ARHGAP24: variants seen among roughly 807,000 people sequenced by gnomAD.
The protein encoded by ARHGAP24 is rho GTPase-activating protein 24.
Under a neutral mutation model 76.4 loss-of-function variants are expected in ARHGAP24, and 50 were observed. The ratio of observed to expected loss-of-function variants is 0.65; its 90% confidence interval spans 0.52 to 0.83. The LOEUF (loss-of-function observed/expected upper bound fraction) is 0.83, where lower values mean the gene tolerates loss of function less well. ARHGAP24 is among the 40% of genes least tolerant of loss of function. The pLI is 0.00. For synonymous variants in ARHGAP24, 345 were observed against 323.3 expected, an observed-to-expected ratio of 1.07 and a Z score of -0.72; for missense variants, 930 against 914.2, an observed-to-expected ratio of 1.02 and a Z score of -0.22.
At chr4:85,862,719 T>C (rs1731972214) in intron 3 of ARHGAP24, among the ~76,000 whole-genome samples, 2 of 152,108 alleles carry the variant, frequency 1.3e-5, no homozygotes, top group East Asian at 1.9e-4. Flanking sequence ...GCACTACCAG[T>C]TCCTTTTGCT....
At chr4:85,961,826 C>G (rs1286145068) in intron 5 of ARHGAP24, among the ~76,000 whole-genome samples, 1 of 152,014 alleles carries the variant, frequency 6.6e-6, no homozygotes, top group African/African-American at 2.4e-5. Flanking sequence ...AAATGTACCC[C>G]TCAGCATGAA....
intron 8 of ARHGAP24, among the ~76,000 whole-genome samples, chr4:85,983,842 TC>T (rs999991553): frequency 2.0e-5 from 3 of 152,206 alleles, no homozygotes; most frequent in African/African-American, 7.2e-5. Flanking sequence ...AATAAGTTTC[TC>T]CTCTTTTCTT....
chr4:85,553,134 A>C (rs557669467), intron 1 of ARHGAP24, among the ~76,000 whole-genome samples: 15 of 150,186 alleles, frequency 1.0e-4, no homozygotes, highest in African/African-American at 3.7e-4. Flanking sequence ...CATTCCTCCC[A>C]GTGGGTTTGT....
intron 3 of ARHGAP24, among the ~76,000 whole-genome samples, chr4:85,810,788 A>T (rs1174299322): frequency 1.3e-5 from 2 of 152,228 alleles, no homozygotes; most frequent in African/African-American, 2.4e-5. Context: ...GTTTGTAGAG[A>T]TATAAAATTA....
In ARHGAP24 at chr4:85,952,492, A is replaced by G. The variant is rs73833979; in HGVS notation, c.599+10219A>G. On this transcript the variant is annotated intron_variant, in intron 5 of 9. Coordinates refer to ENST00000395184, the MANE Select transcript of ARHGAP24 (RefSeq NM_001025616.3). ...TAATATTTCACATTTGAATGAGAAG[A>G]AACACTTTGTCCTGTGTGAGGGAAA... is the stretch of plus-strand genomic sequence containing the variant. Among the ~76,000 whole-genome samples the G allele has an allele frequency of 8.2e-3, 1,255 of 152,360 alleles. 20 individuals are homozygous for G. The highest frequency in any genetic ancestry group is 0.029 in the African/African-American group (1,205 of 41,574).
intron 1 of ARHGAP24, among the ~76,000 whole-genome samples, chr4:85,507,940 A>G (rs1164831486): frequency 2.0e-5 from 3 of 152,160 alleles, no homozygotes; most frequent in Admixed American, 6.5e-5. Context: ...AGTATCTAAA[A>G]TATGATTAAA....
At chr4:85,553,210 G>A (rs923593310) in intron 1 of ARHGAP24, among the ~76,000 whole-genome samples, 7 of 152,276 alleles carry the variant, frequency 4.6e-5, no homozygotes, top group African/African-American at 1.4e-4. Flanking sequence ...CATAAAGGTA[G>A]TGTGGACCCA....
chr4:86,000,911 T>C lies in ARHGAP24; in HGVS notation c.*189T>C. The C allele has an allele frequency of 1.2e-6, 1 of 806,898 alleles. No individual in the cohort carries two copies. Among genetic ancestry groups the C allele is most frequent in the South Asian group, 1.8e-5 (1 of 55,820 alleles). 50.0% of individuals were successfully genotyped at this position (806,898 alleles called of 1,614,324 possible). On this transcript the variant is annotated 3_prime_UTR_variant, in exon 10 of 10. Coordinates refer to ENST00000395184, the MANE Select transcript of ARHGAP24 (RefSeq NM_001025616.3). ...AAAGTTATATCATGCCCCATAATGC[T>C]ACTGTCAAGTGTTACAACTGGATAT...
intron 4 of ARHGAP24, among the ~76,000 whole-genome samples, chr4:85,925,296 C>T (rs138948434): frequency 1.5e-3 from 228 of 152,362 alleles, no homozygotes; most frequent in African/African-American, 5.4e-3. Flanking sequence ...ACGCTGCACA[C>T]ACTACCCGCT....
At chr4:85,840,421 G>A (rs965929907) in intron 3 of ARHGAP24, among the ~76,000 whole-genome samples, 1 of 152,180 alleles carries the variant, frequency 6.6e-6, no homozygotes, top group Admixed American at 6.5e-5. Context: ...GCTTCAGGGT[G>A]CACACTGCGC....
At chr4:85,593,685 C>G (rs1728206906) in intron 2 of ARHGAP24, among the ~76,000 whole-genome samples, 2 of 152,100 alleles carry the variant, frequency 1.3e-5, no homozygotes, top group Admixed American at 1.3e-4. Context: ...ATCCAATTTT[C>G]CCAGAATGAT....
At chr4:85,688,483 C>T (rs1723513257) in intron 2 of ARHGAP24, among the ~76,000 whole-genome samples, 1 of 152,118 alleles carries the variant, frequency 6.6e-6, no homozygotes, top group Non-Finnish European at 1.5e-5. Context: ...ACTCCTTTGT[C>T]AGATGCATAC....
At chr4:85,906,302 T>C (rs17011172) in intron 3 of ARHGAP24, among the ~76,000 whole-genome samples, 45,427 of 151,960 alleles carry the variant, frequency 0.3, 6,939 homozygotes, top group South Asian at 0.43. Flanking sequence ...CCATGTCATA[T>C]GGCTGGAGAT....
At chr4:85,975,110 A>C in intron 7 of ARHGAP24, 149 bp downstream of exon 7, 3 of 730,386 alleles carry the variant, frequency 4.1e-6, no homozygotes, top group East Asian at 2.7e-5. Context: ...AGGTGATCTC[A>C]GAGGCTTCTT....
At chr4:85,739,417 G>A (rs1217180395) in intron 3 of ARHGAP24, among the ~76,000 whole-genome samples, 3 of 152,002 alleles carry the variant, frequency 2.0e-5, no homozygotes, top group South Asian at 2.1e-4. Context: ...ATCTCTGCTC[G>A]GTTTTCTTCT....
chr4:85,613,584 A>G (rs1206374198), intron 2 of ARHGAP24, among the ~76,000 whole-genome samples: 2 of 152,116 alleles, frequency 1.3e-5, no homozygotes, highest in African/African-American at 2.4e-5. Flanking sequence ...ATGTCCTCTT[A>G]ATTCTATTTG....
At chr4:85,693,471 GTCTCAGCCACACA>G (rs2110019638) in intron 2 of ARHGAP24, among the ~76,000 whole-genome samples, 2 of 152,302 alleles carry the variant, frequency 1.3e-5, no homozygotes, top group South Asian at 4.1e-4. Flanking sequence ...CCCGGCTCAA[GTCTCAGCCACACA>G]TCTCAGCTTA....
chr4:85,844,207 T>G (rs1395032114), intron 3 of ARHGAP24, among the ~76,000 whole-genome samples: 2 of 152,168 alleles, frequency 1.3e-5, no homozygotes, highest in Non-Finnish European at 2.9e-5. Flanking sequence ...TTTAGGAATT[T>G]AGGAGGAAGA....
chr4:85,664,651 G>A (rs1483790300), intron 2 of ARHGAP24, among the ~76,000 whole-genome samples: 2 of 150,524 alleles, frequency 1.3e-5, no homozygotes, highest in African/African-American at 5.0e-5. Flanking sequence ...TGGGCATTTA[G>A]TGCTATAAAT....
Sources: allele counts gnomAD v4.1 joint callset (sites outside exome capture counted in the v4.1 genomes callset), GRCh38; gene constraint gnomAD v4.1.1; transcripts MANE v1.5; gene names NCBI Gene and HGNC (gene_info 2026-07-23, HGNC 2026-07-21).